The following CTNNA2 variants were observed in gnomAD, a reference collection of about 807,000 sequenced individuals.
The protein encoded by CTNNA2 is catenin alpha-2.
A neutral mutation model predicts 101.0 loss-of-function variants in CTNNA2; 42 were observed. The observed-to-expected ratio is 0.42, with a 90% CI of 0.32 to 0.54. The LOEUF (loss-of-function observed/expected upper bound fraction) is 0.54. Ranked by LOEUF, CTNNA2 falls within the 20% of genes least tolerant of loss-of-function variation. CTNNA2 has a pLI of 0.14. For missense variants in CTNNA2, 871 were observed against 1,223.1 expected (o/e 0.71, Z 4.29); for synonymous variants, 450 against 456.4 (o/e 0.99, Z 0.18).
chr2:79,444,968 C>A (rs544628646), intron 4 of CTNNA2, among the ~76,000 whole-genome samples: 40 of 152,008 alleles, frequency 2.6e-4, no homozygotes, highest in Non-Finnish European at 4.3e-4. Context: ...AGAAGTTGAA[C>A]CTGCCTAGAT....
intron 3 of CTNNA2, among the ~76,000 whole-genome samples, chr2:79,749,286 T>A (rs1470911855): frequency 1.3e-5 from 2 of 152,032 alleles, no homozygotes; most frequent in Admixed American, 1.3e-4. Context: ...ATTCTCGGAG[T>A]ATGCGTAAGT....
At position 80,473,683 on chromosome 2, in the gene CTNNA2, A is replaced by G. The variant is rs537250044; in HGVS notation, c.1290+54082A>G. On this transcript the variant is annotated intron_variant, in intron 9 of 18. Coordinates refer to ENST00000402739, the MANE Select transcript of CTNNA2 (RefSeq NM_001282597.3). ...ATTTTACTAAACTTTCTCAATCTCC[A>G]TTATTGCTCCCCAACAACAGAAAAA... Among the ~76,000 whole-genome samples the G allele has an allele frequency of 1.1e-4, 16 of 152,234 alleles. No homozygotes were observed. In the East Asian group the frequency reaches 1.2e-3, roughly 11 times the overall value.
chr2:80,039,987 A>T (rs1044309065), intron 7 of CTNNA2, among the ~76,000 whole-genome samples: 1 of 152,252 alleles, frequency 6.6e-6, no homozygotes, highest in African/African-American at 2.4e-5. Context: ...AAAACTAGAT[A>T]TGAACAATCA....
intron 7 of CTNNA2, among the ~76,000 whole-genome samples, chr2:80,053,701 CT>C: frequency 6.6e-6 from 1 of 152,328 alleles, no homozygotes; most frequent in East Asian, 1.9e-4. Context: ...AAATTCCACA[CT>C]TACAACCTCC....
chr2:79,637,340 AAAG>A (rs1201303633), intron 1 of CTNNA2, among the ~76,000 whole-genome samples: 2 of 152,218 alleles, frequency 1.3e-5, no homozygotes, highest in Non-Finnish European at 2.9e-5. Flanking sequence ...GGGATGCAGG[AAAG>A]AAGAACCAAG....
intron 9 of CTNNA2, among the ~76,000 whole-genome samples, chr2:80,439,505 TC>T (rs1348200878): frequency 6.6e-6 from 1 of 152,044 alleles, no homozygotes; most frequent in Non-Finnish European, 1.5e-5. Context: ...TTCAAGCAAT[TC>T]TCCTGTCTCA....
chr2:79,378,741 A>G (rs910469188), intron 4 of CTNNA2, among the ~76,000 whole-genome samples: 17 of 152,164 alleles, frequency 1.1e-4, no homozygotes, highest in African/African-American at 4.1e-4. Flanking sequence ...GAATGCCCAA[A>G]TAACCATTTA....
At chr2:80,080,627 G>C (rs1423335780) in intron 7 of CTNNA2, among the ~76,000 whole-genome samples, 1 of 152,110 alleles carries the variant, frequency 6.6e-6, no homozygotes, top group African/African-American at 2.4e-5. Flanking sequence ...TGTTTAGAGA[G>C]AACTGTGTTG....
intron 7 of CTNNA2, among the ~76,000 whole-genome samples, chr2:80,381,741 C>T (rs1676532960): frequency 6.6e-6 from 1 of 152,176 alleles, no homozygotes. Context: ...CTTTCCTTTG[C>T]TGCGGGGCTG....
chr2:79,454,728 CATAAG>C (rs1670795143), intron 4 of CTNNA2, among the ~76,000 whole-genome samples: 1 of 123,684 alleles, frequency 8.1e-6, no homozygotes, highest in East Asian at 2.4e-4. Flanking sequence ...AATGCAGACT[CATAAG>C]AGAAACCTAA....
At chr2:79,366,607 T>A (rs1361210787) in intron 3 of CTNNA2, among the ~76,000 whole-genome samples, 1 of 151,882 alleles carries the variant, frequency 6.6e-6, no homozygotes, top group African/African-American at 2.4e-5. Flanking sequence ...GAAAAAAAAA[T>A]GGAAGTAATA....
rs201429683 is a variant in CTNNA2 at position 80,581,689 on chromosome 2, T to C, written c.1894-17T>C. The stretch of plus-strand genomic sequence containing the variant: ...TTATCAATTTAAGTATGCTGACTTA[T>C]ATCTTTTTGTCTTTAGACCCCAGAA... On this transcript the variant is annotated splice_polypyrimidine_tract_variant and intron_variant, in intron 13 of 18. Transcript: ENST00000402739. 61 of 1,483,948 alleles carry C rather than the reference T, an allele frequency of 4.1e-5. No individual in the cohort carries two copies. Among genetic ancestry groups the C allele is most frequent in the East Asian group, 6.8e-5 (3 of 44,230 alleles). 91.9% of individuals were successfully genotyped at this position (1,483,948 alleles called of 1,614,324 possible). A position where few individuals can be genotyped will look rare whatever the true frequency, so the allele number is the denominator to read the frequency against.
At chr2:80,542,433 T>C (rs537056379) in intron 9 of CTNNA2, among the ~76,000 whole-genome samples, 3 of 152,274 alleles carry the variant, frequency 2.0e-5, no homozygotes, top group Non-Finnish European at 2.9e-5. Flanking sequence ...GCTGACCTTT[T>C]CTTTTTTTGG....
chr2:79,354,911 A>G (rs1573113245), intron 3 of CTNNA2, among the ~76,000 whole-genome samples: 1 of 152,168 alleles, frequency 6.6e-6, no homozygotes, highest in East Asian at 1.9e-4. Context: ...TGTTTAAAGT[A>G]TGATGACTTA....
At chr2:80,172,382 G>C (rs1373504300) in intron 7 of CTNNA2, among the ~76,000 whole-genome samples, 1 of 152,182 alleles carries the variant, frequency 6.6e-6, no homozygotes, top group Non-Finnish European at 1.5e-5. Context: ...AGACTATGGG[G>C]TTTGTTCCTT....
At chr2:80,252,958 A>G (rs1236670648) in intron 7 of CTNNA2, among the ~76,000 whole-genome samples, 1 of 152,108 alleles carries the variant, frequency 6.6e-6, no homozygotes, top group East Asian at 1.9e-4. Context: ...AACTGCAACA[A>G]AGAAACCCTG....
intron 7 of CTNNA2, among the ~76,000 whole-genome samples, chr2:80,182,660 G>A (rs1355954842): frequency 6.6e-6 from 1 of 152,206 alleles, no homozygotes; most frequent in Non-Finnish European, 1.5e-5. Context: ...ATAAGGATTA[G>A]ATTGAAAATG....
intron 7 of CTNNA2, among the ~76,000 whole-genome samples, chr2:80,331,021 G>GTTTT (rs34091714): frequency 7.2e-6 from 1 of 139,714 alleles, no homozygotes. Context: ...TAAACTGTAT[G>GTTTT]TTTTTTTTTT....
intron 7 of CTNNA2, among the ~76,000 whole-genome samples, chr2:80,027,109 G>T (rs1028316392): frequency 1.3e-5 from 2 of 152,208 alleles, no homozygotes; most frequent in Admixed American, 6.5e-5. Context: ...AAAGCACAGT[G>T]ATGAATCAGA....
Sources: gnomAD v4.1 joint callset for allele counts (sites outside exome capture counted in the v4.1 genomes callset) on GRCh38, gnomAD v4.1.1 for gene constraint, MANE v1.5 for transcripts, NCBI Gene and HGNC (gene_info 2026-07-23, HGNC 2026-07-21) for gene names.